Variants in SPECC1 observed in about 807,000 individuals in gnomAD.
The protein encoded by SPECC1 is cytospin-B.
Under a neutral mutation model 104.1 loss-of-function variants are expected in SPECC1, and 62 were observed. The observed-to-expected ratio is 0.60, with a 90% CI of 0.49 to 0.74. SPECC1 has a LOEUF of 0.74. Ranked by LOEUF, SPECC1 falls within the 30% of genes least tolerant of loss-of-function variation. The pLI is 0.00. For missense variants in SPECC1, 1,306 were observed against 1,310.5 expected (o/e 1.00, Z 0.05); for synonymous variants, 513 against 501.6 (o/e 1.02, Z -0.30).
At chr17:20,084,821 G>A (rs895570548) in intron 1 of SPECC1, among the ~76,000 whole-genome samples, 5 of 151,908 alleles carry the variant, frequency 3.3e-5, no homozygotes, top group African/African-American at 1.2e-4. Flanking sequence ...CACAGGTGTG[G>A]AACCACAGAG....
intron 1 of SPECC1, among the ~76,000 whole-genome samples, chr17:20,027,413 G>C (rs2044639494): frequency 6.6e-6 from 1 of 152,092 alleles, no homozygotes; most frequent in African/African-American, 2.4e-5. Context: ...TGCTGTGCAG[G>C]AGCTTTTTAG....
At chr17:20,157,321 G>C (rs1186911059) in intron 3 of SPECC1, among the ~76,000 whole-genome samples, 1 of 152,042 alleles carries the variant, frequency 6.6e-6, no homozygotes, top group Non-Finnish European at 1.5e-5. Context: ...TGGACGGGCT[G>C]TCCAAGTTTC....
intron 1 of SPECC1, among the ~76,000 whole-genome samples, chr17:20,084,187 T>C (rs2047089789): frequency 6.6e-6 from 1 of 152,216 alleles, no homozygotes; most frequent in Non-Finnish European, 1.5e-5. Context: ...CCCAGCACTT[T>C]GGGAGGCGAG....
At chr17:20,305,533 G>T (rs78041331) in intron 13 of SPECC1, 14,060 of 154,246 alleles carry the variant, frequency 0.091, 807 homozygotes, top group Non-Finnish European at 0.13. Context: ...AGTAGTAGTC[G>T]TATTAGCATA....
At chr17:20,069,591 A>G (rs1017897417) in intron 1 of SPECC1, among the ~76,000 whole-genome samples, 5 of 152,152 alleles carry the variant, frequency 3.3e-5, no homozygotes, top group African/African-American at 9.7e-5. Flanking sequence ...TGTTGAAAAG[A>G]CTGTCTCCCA....
chr17:20,253,430 A>G, intron 9 of SPECC1, 75 bp from the exon 10 acceptor site: 2 of 1,370,102 alleles, frequency 1.5e-6, no homozygotes, highest in South Asian at 1.2e-5. Flanking sequence ...ACACGCATGC[A>G]CACACACACA....
intron 3 of SPECC1, among the ~76,000 whole-genome samples, chr17:20,141,067 G>A (rs942637571): frequency 1.3e-5 from 2 of 152,110 alleles, no homozygotes; most frequent in Non-Finnish European, 2.9e-5. Flanking sequence ...CCTCCCTGCT[G>A]CCCCCTTCTC....
At chr17:20,082,418 AG>A (rs1460395981) in intron 1 of SPECC1, among the ~76,000 whole-genome samples, 1 of 152,116 alleles carries the variant, frequency 6.6e-6, no homozygotes, top group Non-Finnish European at 1.5e-5. Context: ...TGGGCAACAC[AG>A]TGAGACCCCA....
chr17:20,056,132 A>C (rs2045955126), intron 1 of SPECC1, among the ~76,000 whole-genome samples: 1 of 152,196 alleles, frequency 6.6e-6, no homozygotes, highest in Admixed American at 6.5e-5. Flanking sequence ...AAAAATACTT[A>C]GTTCTTCCAG....
intron 12 of SPECC1, among the ~76,000 whole-genome samples, chr17:20,283,887 C>T (rs2040857759): frequency 6.6e-6 from 1 of 152,124 alleles, no homozygotes; most frequent in Non-Finnish European, 1.5e-5. Context: ...CCATGTCTGT[C>T]CTCTTTCTTA....
At chr17:20,030,032 G>C (rs2044747172) in intron 1 of SPECC1, among the ~76,000 whole-genome samples, 3 of 152,302 alleles carry the variant, frequency 2.0e-5, no homozygotes, top group African/African-American at 7.2e-5. Context: ...CTTTCCTAGA[G>C]CCTTCACAGG....
chr17:20,067,556 C>T (rs1224816182), intron 1 of SPECC1, among the ~76,000 whole-genome samples: 2 of 152,014 alleles, frequency 1.3e-5, no homozygotes, highest in Non-Finnish European at 2.9e-5. Context: ...AATATATTGT[C>T]GTCATTGTTC....
intron 1 of SPECC1, among the ~76,000 whole-genome samples, chr17:20,069,278 C>T (rs745532671): frequency 1.3e-5 from 2 of 152,194 alleles, no homozygotes; most frequent in East Asian, 1.9e-4. Flanking sequence ...CTATAAAGGA[C>T]GTGATCTTGT....
chr17:20,094,734 G>GA (rs1243718722), intron 1 of SPECC1, among the ~76,000 whole-genome samples: 4 of 151,840 alleles, frequency 2.6e-5, no homozygotes. Flanking sequence ...CAAGTAGCTG[G>GA]GACTACAGGT....
chr17:20,307,734 T>C (rs2142177048), intron 14 of SPECC1, among the ~76,000 whole-genome samples: 1 of 152,262 alleles, frequency 6.6e-6, no homozygotes, highest in Admixed American at 6.5e-5. Context: ...CCAGAGGGAA[T>C]TCCAGATGAA....
At chr17:20,101,914 A>G (rs1337890270) in intron 2 of SPECC1, among the ~76,000 whole-genome samples, 4 of 152,212 alleles carry the variant, frequency 2.6e-5, no homozygotes, top group South Asian at 2.1e-4. Context: ...TCTTTTCTAC[A>G]TCTTTGTGGA....
At chr17:20,082,978 G>GTTCA (rs2047037483) in intron 1 of SPECC1, among the ~76,000 whole-genome samples, 1 of 150,582 alleles carries the variant, frequency 6.6e-6, no homozygotes, top group African/African-American at 2.5e-5. Context: ...TCGTTCGTTC[G>GTTCA]TTCGTTCGTT....
At chr17:20,017,633 A>G (rs1015756609) in intron 1 of SPECC1, 1 of 152,230 alleles carries the variant, frequency 6.6e-6, no homozygotes, top group Non-Finnish European at 1.5e-5. Flanking sequence ...TTAGTTACTT[A>G]TGTACCTTCC....
chr17:20,270,494 C>T (rs1307072596), intron 12 of SPECC1, among the ~76,000 whole-genome samples: 1 of 141,226 alleles, frequency 7.1e-6, no homozygotes, highest in Non-Finnish European at 1.5e-5. Context: ...TGGTGTACAC[C>T]TGTGATTCCA....
Sources: gnomAD v4.1 joint callset for allele counts (sites outside exome capture counted in the v4.1 genomes callset) on GRCh38, gnomAD v4.1.1 for gene constraint, MANE v1.5 for transcripts, NCBI Gene and HGNC (gene_info 2026-07-23, HGNC 2026-07-21) for gene names.